The following PPP1R13B variants were observed in gnomAD, a reference collection of about 807,000 sequenced individuals.
PPP1R13B encodes the protein protein phosphatase 1 regulatory subunit 13B.
A neutral mutation model predicts 119.8 loss-of-function variants in PPP1R13B; 44 were observed. The observed-to-expected ratio is 0.37, with a 90% confidence interval of 0.29 to 0.47. The LOEUF is 0.47. Among genes scored for constraint, PPP1R13B ranks in the 20% least tolerant of loss-of-function variants. The probability of loss-of-function intolerance (pLI) is 0.99; values close to 1 mark genes in which losing one functional copy is unlikely to be tolerated. For missense variants in PPP1R13B, 1,227 were observed against 1,413.5 expected, an observed-to-expected ratio of 0.87 and a Z score of 2.12; for synonymous variants, 542 against 561.5, an observed-to-expected ratio of 0.97 and a Z score of 0.49.
upstream of PPP1R13B, chr14:103,848,203 G>T (rs2152095435): frequency 1.0e-6 from 1 of 975,986 alleles, no homozygotes; most frequent in Non-Finnish European, 1.2e-6. Context: ...ACCAGCTCCC[G>T]AGCCTTGGCC....
At chr14:103,762,794 G>C (rs1167736949) in intron 4 of PPP1R13B, 7 of 781,802 alleles carry the variant, frequency 9.0e-6, no homozygotes, top group African/African-American at 5.2e-5. Context: ...GCGGCCGCCC[G>C]CTCCAGCCAT....
At chr14:103,786,162 C>A (rs1437380761) in intron 2 of PPP1R13B, among the ~76,000 whole-genome samples, 1 of 152,120 alleles carries the variant, frequency 6.6e-6, no homozygotes, top group African/African-American at 2.4e-5. Flanking sequence ...ACCTCAGCCT[C>A]CCAAGTTAGC....
intron 12 of PPP1R13B, 28 bp downstream of exon 12, chr14:103,739,796 C>A: frequency 1.3e-6 from 2 of 1,563,302 alleles, no homozygotes; most frequent in Admixed American, 1.8e-5. Context: ...CCAGGAAGGC[C>A]AGGCTTTGGT....
Position 103,746,359 on chromosome 14 carries a change from C to T in PPP1R13B, c.1150+14G>A. Reference sequence around the variant, plus strand: ...CACAAACTCTCCCCCAGGAAGAGGGCCAGGACCACTCACCGGATTTGGATC... The same window carrying T: ...CACAAACTCTCCCCCAGGAAGAGGGTCAGGACCACTCACCGGATTTGGATC... On this transcript the variant is annotated intron_variant, in intron 9 of 16. Coordinates refer to ENST00000202556, the MANE Select transcript of PPP1R13B (RefSeq NM_015316.3). 1 of 1,381,466 alleles carries T rather than the reference C, an allele frequency of 7.2e-7. No individual in the cohort carries two copies. The highest frequency in any genetic ancestry group is 9.6e-7 in the Non-Finnish European group (1 of 1,036,298). 85.6% of individuals were successfully genotyped at this position (1,381,466 alleles called of 1,614,324 possible). A position where few individuals can be genotyped will look rare whatever the true frequency, so the allele number is the denominator to read the frequency against.
chr14:103,758,755 A>G (rs999755067), intron 4 of PPP1R13B, among the ~76,000 whole-genome samples: 3 of 152,212 alleles, frequency 2.0e-5, no homozygotes, highest in Admixed American at 1.3e-4. Flanking sequence ...GGGAGGCCAC[A>G]CAGTTCCTCC....
chr14:103,735,836 CT>C (rs1313129634), intron 16 of PPP1R13B, among the ~76,000 whole-genome samples, 166 bp downstream of exon 16: 3 of 152,158 alleles, frequency 2.0e-5, no homozygotes, highest in African/African-American at 7.2e-5. Context: ...GGGGCCCTGC[CT>C]GAGCCTCATG....
chr14:103,738,628 T>A lies in PPP1R13B; in HGVS notation c.2864+51A>T. On this transcript the variant is annotated intron_variant, in intron 14 of 16. Transcript: ENST00000202556. The surrounding 1 kb of genome is among the most constrained non-coding windows in gnomAD (Gnocchi z 5.6). ...GTCTAGAACACGCCTGTTTTCCTTA[T>A]GCAAAGCAGGGAAAGTAAATCTGTC... is the stretch of plus-strand genomic sequence containing the variant. 6.2e-7 allele frequency: 1 copy of A among 1,605,756 alleles called. No homozygotes were observed. Among genetic ancestry groups the A allele is most frequent in the Non-Finnish European group, 8.5e-7 (1 of 1,173,526 alleles).
chr14:103,803,186 C>A (rs1187174742), intron 1 of PPP1R13B, among the ~76,000 whole-genome samples: 2 of 152,116 alleles, frequency 1.3e-5, no homozygotes, highest in Non-Finnish European at 2.9e-5. Flanking sequence ...TCTTTGAAAT[C>A]ATAGTACACC....
intron 14 of PPP1R13B, 50 bp from the exon 15 acceptor site, chr14:103,737,910 A>G (rs2084154210): frequency 1.3e-6 from 2 of 1,563,938 alleles, no homozygotes; most frequent in Non-Finnish European, 1.7e-6. Context: ...CCTGTCCTGT[A>G]GGACGTGGCC....
At chr14:103,825,934 T>C (rs2086529197) in intron 1 of PPP1R13B, among the ~76,000 whole-genome samples, 1 of 150,404 alleles carries the variant, frequency 6.6e-6, no homozygotes, top group Non-Finnish European at 1.5e-5. Flanking sequence ...AACCTCCACC[T>C]CCCGGGTTCA....
chr14:103,745,665 C>T (rs1208593003), intron 9 of PPP1R13B, among the ~76,000 whole-genome samples: 1 of 152,216 alleles, frequency 6.6e-6, no homozygotes, highest in African/African-American at 2.4e-5. Flanking sequence ...TCAATGAGGA[C>T]AGAGCGCTGT....
At chr14:103,816,308 C>A (rs61553050) in intron 1 of PPP1R13B, among the ~76,000 whole-genome samples, 220 of 148,608 alleles carry the variant, frequency 1.5e-3, no homozygotes, top group Middle Eastern at 0.014. Flanking sequence ...CAGGTGCGTG[C>A]CACCACCCCC....
At chr14:103,790,859 T>C (rs1196899354) in intron 2 of PPP1R13B, among the ~76,000 whole-genome samples, 5 of 152,150 alleles carry the variant, frequency 3.3e-5, no homozygotes, top group African/African-American at 1.2e-4. Context: ...ACACAAAAAT[T>C]AGCCGGGTGT....
At chr14:103,755,028 C>T (rs753697850) in intron 5 of PPP1R13B, among the ~76,000 whole-genome samples, 4 of 152,116 alleles carry the variant, frequency 2.6e-5, no homozygotes, top group Admixed American at 6.5e-5. Context: ...GTGATCCACC[C>T]GCCTCGGCCT....
chr14:103,734,544 C>A lies in PPP1R13B; in HGVS notation c.*610G>T. ...GTCCAGCCACAGTGCTGGGCCTGCA[C>A]AATCAGCCTTTAGGTGAACTGGAAC... On this transcript the variant is annotated 3_prime_UTR_variant, in exon 17 of 17. Coordinates refer to ENST00000202556, the MANE Select transcript of PPP1R13B (RefSeq NM_015316.3). 2.2e-6 allele frequency: 1 copy of A among 456,412 alleles called. No individual in the cohort carries two copies. Among genetic ancestry groups the A allele is most frequent in the Non-Finnish European group, 4.4e-6 (1 of 226,802 alleles). 28.3% of individuals were successfully genotyped at this position (456,412 alleles called of 1,614,324 possible). A position where few individuals can be genotyped will look rare whatever the true frequency, so the allele number is the denominator to read the frequency against.
At chr14:103,812,618 C>T (rs1436942718) in intron 1 of PPP1R13B, among the ~76,000 whole-genome samples, 1 of 151,956 alleles carries the variant, frequency 6.6e-6, no homozygotes, top group African/African-American at 2.4e-5. Flanking sequence ...GGTGTTTCAC[C>T]ATGTTGGCCA....
At chr14:103,752,369 G>A (rs906517560) in intron 7 of PPP1R13B, among the ~76,000 whole-genome samples, 2 of 152,170 alleles carry the variant, frequency 1.3e-5, no homozygotes, top group African/African-American at 2.4e-5. Context: ...GGAGGGTATG[G>A]AGGTTGTGGG....
intron 1 of PPP1R13B, among the ~76,000 whole-genome samples, chr14:103,831,414 A>C (rs2086661706): frequency 6.8e-6 from 1 of 147,988 alleles, no homozygotes; most frequent in African/African-American, 2.5e-5. Context: ...GGTTCAAGTG[A>C]TTCTCGTATC....
intron 2 of PPP1R13B, among the ~76,000 whole-genome samples, chr14:103,790,896 A>C (rs1751034459): frequency 6.6e-6 from 1 of 152,136 alleles, no homozygotes; most frequent in South Asian, 2.1e-4. Flanking sequence ...TACAGCTATA[A>C]ACTTGTGTTT....
Sources: allele counts gnomAD v4.1 joint callset (sites outside exome capture counted in the v4.1 genomes callset), GRCh38; gene constraint gnomAD v4.1.1; non-coding constraint Gnocchi (gnomAD v3.1); transcripts MANE v1.5; gene names NCBI Gene and HGNC (gene_info 2026-07-23, HGNC 2026-07-21).